Variants in ABCG2 observed in about 807,000 individuals in gnomAD.
ABCG2 encodes ATP binding cassette subfamily G member 2 (JR blood group).
In ABCG2, 80 loss-of-function variants were observed where a neutral mutation model predicts 73.5. The ratio of observed to expected loss-of-function variants is 1.09; its 90% confidence interval spans 0.91 to 1.31. The LOEUF (loss-of-function observed/expected upper bound fraction) is 1.31. Among genes scored for constraint, ABCG2 ranks in the 50% most tolerant of loss-of-function variants. The probability of loss-of-function intolerance (pLI) is 0.00; values close to 1 mark genes in which losing one functional copy is unlikely to be tolerated. For missense variants in ABCG2, 796 were observed against 786.2 expected (o/e 1.01, Z -0.15); for synonymous variants, 269 against 282.4 (o/e 0.95, Z 0.48).
chr4:88,107,296 G>C, intron 9 of ABCG2, 30 bp from the exon 10 acceptor site: 3 of 1,498,112 alleles, frequency 2.0e-6, no homozygotes, highest in Non-Finnish European at 2.7e-6. Context: ...CAAAAAAAGG[G>C]GAAGAGTTTC....
At chr4:88,155,318 G>A (rs1435472430) in intron 1 of ABCG2, among the ~76,000 whole-genome samples, 1 of 152,198 alleles carries the variant, frequency 6.6e-6, no homozygotes, top group Non-Finnish European at 1.5e-5. Flanking sequence ...GAGCACGTGT[G>A]TTTTTATGAA....
At chr4:88,115,256 C>CTCTCTCTCTCTCTCTCTCTCTATATA (rs1309360818) in intron 7 of ABCG2, among the ~76,000 whole-genome samples, 198 bp from the exon 8 acceptor site, 7 of 69,862 alleles carry the variant, frequency 1.0e-4, no homozygotes, top group African/African-American at 1.7e-4. Flanking sequence ...CTCTCTCTCT[C>CTCTCTCTCTCTCTCTCTCTCTATATA]TATATATATA....
At chr4:88,098,612 A>G (rs546765352) in intron 12 of ABCG2, among the ~76,000 whole-genome samples, 20 of 148,850 alleles carry the variant, frequency 1.3e-4, no homozygotes, top group African/African-American at 2.0e-4. Flanking sequence ...GTGTGTGTGT[A>G]TATATATATA....
At position 88,131,128 on chromosome 4, in the gene ABCG2, T is replaced by A. The variant is rs1436620185; in HGVS notation, c.464A>T (p.His155Leu). 1 of 1,614,080 alleles carries A rather than the reference T, an allele frequency of 6.2e-7. No homozygotes were observed. The highest frequency in any genetic ancestry group is 1.7e-5 in the Admixed American group (1 of 60,008). The change falls in exon 5 of 16, where the codon CAT (histidine) becomes CTT (leucine). Residue 155 changes from histidine (H) to leucine (L), a missense_variant. Physicochemically the swap from His to Leu is moderately conservative, Grantham distance 99. Transcript: ENST00000237612. Reference protein sequence around the residue: ...ALRLATTMTNHEKNERINRVI... With the variant: ...ALRLATTMTNLEKNERINRVI... ...CCTGTTAATCCGTTCGTTTTTTTCATGATTCGTCATAGTTGTTGCAAGCCG... is the reference window on the plus strand; with the variant it reads ...CCTGTTAATCCGTTCGTTTTTTTCAAGATTCGTCATAGTTGTTGCAAGCCG...
chr4:88,136,521 CAT>C (rs1318719269), intron 2 of ABCG2, among the ~76,000 whole-genome samples: 1 of 151,988 alleles, frequency 6.6e-6, no homozygotes, highest in Non-Finnish European at 1.5e-5. Flanking sequence ...GCCTGGGAAA[CAT>C]AGTGAAACCC....
At chr4:88,210,021 T>TAAAACAAAAC (rs547660232) in intron 1 of ABCG2, among the ~76,000 whole-genome samples, 1 of 152,164 alleles carries the variant, frequency 6.6e-6, no homozygotes, top group Non-Finnish European at 1.5e-5. Context: ...ATGTGTCCTA[T>TAAAACAAAAC]AAAACAAAAC....
intron 10 of ABCG2, among the ~76,000 whole-genome samples, chr4:88,104,132 T>C (rs984019924): frequency 5.9e-5 from 9 of 152,230 alleles, no homozygotes; most frequent in African/African-American, 2.2e-4. Flanking sequence ...CACTAATTTG[T>C]TTAGCTATCA....
upstream of ABCG2, chr4:88,158,671 T>C: frequency 2.2e-6 from 1 of 456,198 alleles, no homozygotes; most frequent in South Asian, 1.5e-5. Flanking sequence ...CGGAACCTTT[T>C]GAGTGGGCAC....
chr4:88,097,878 C>T (rs1722095947), intron 12 of ABCG2, among the ~76,000 whole-genome samples: 1 of 152,180 alleles, frequency 6.6e-6, no homozygotes, highest in African/African-American at 2.4e-5. Context: ...TACAACTAAC[C>T]AAAATTCAAC....
At chr4:88,120,898 T>A (rs1203653564) in intron 6 of ABCG2, among the ~76,000 whole-genome samples, 1 of 152,098 alleles carries the variant, frequency 6.6e-6, no homozygotes. Context: ...ATGATATGTG[T>A]CCCCACCCAA....
intron 1 of ABCG2, among the ~76,000 whole-genome samples, chr4:88,202,350 T>TATATATATATATATATATATATA (rs1553945697): frequency 1.4e-4 from 5 of 35,382 alleles, no homozygotes; most frequent in African/African-American, 1.5e-4. Flanking sequence ...ATCTCTACAA[T>TATATATATATATATATATATATA]TATTTATATA....
intron 2 of ABCG2, among the ~76,000 whole-genome samples, chr4:88,136,130 G>C (rs150930656): frequency 6.6e-6 from 1 of 152,086 alleles, no homozygotes; most frequent in South Asian, 2.1e-4. Context: ...AGGGTGCTGC[G>C]GGAATGGTCA....
intron 1 of ABCG2, among the ~76,000 whole-genome samples, chr4:88,189,107 A>G (rs1023919254): frequency 6.6e-6 from 1 of 152,130 alleles, no homozygotes; most frequent in African/African-American, 2.4e-5. Flanking sequence ...CTCTTTCCGC[A>G]ATGTTTTGAA....
chr4:88,145,060 G>A (rs529330920), intron 1 of ABCG2, among the ~76,000 whole-genome samples: 3 of 151,138 alleles, frequency 2.0e-5, no homozygotes, highest in Non-Finnish European at 2.9e-5. Context: ...AGCCAAGATA[G>A]CCTCAAGTTG....
At chr4:88,099,577 G>A in intron 11 of ABCG2, 129 bp from the exon 12 acceptor site, 1 of 915,000 alleles carries the variant, frequency 1.1e-6, no homozygotes, top group East Asian at 2.8e-5. Context: ...CATCCTCAGG[G>A]CTAGACCCAC....
intron 1 of ABCG2, among the ~76,000 whole-genome samples, chr4:88,228,173 C>A (rs999687414): frequency 1.3e-5 from 2 of 152,192 alleles, no homozygotes; most frequent in African/African-American, 4.8e-5. Context: ...TTTCCCTTCT[C>A]CTGTTCAGGA....
At chr4:88,181,257 G>A (rs529462161) in intron 1 of ABCG2, among the ~76,000 whole-genome samples, 17 of 151,816 alleles carry the variant, frequency 1.1e-4, no homozygotes, top group South Asian at 8.3e-4. Flanking sequence ...AAAACTAGAC[G>A]AGCATGGTGG....
At chr4:88,224,875 T>C (rs1214128814) in intron 1 of ABCG2, among the ~76,000 whole-genome samples, 1 of 152,150 alleles carries the variant, frequency 6.6e-6, no homozygotes, top group East Asian at 1.9e-4. Flanking sequence ...GGGTGTAAGG[T>C]AAGGGTCCAA....
At chr4:88,205,108 C>T (rs962707136) in intron 1 of ABCG2, among the ~76,000 whole-genome samples, 1 of 152,192 alleles carries the variant, frequency 6.6e-6, no homozygotes, top group Admixed American at 6.5e-5. Flanking sequence ...TCCTGAAGTA[C>T]GTCTACCAAC....
Sources: allele counts gnomAD v4.1 joint callset (sites outside exome capture counted in the v4.1 genomes callset), GRCh38; gene constraint gnomAD v4.1.1; transcripts MANE v1.5; gene names NCBI Gene and HGNC (gene_info 2026-07-23, HGNC 2026-07-21).